Variants in ITPR1 observed in about 807,000 individuals in gnomAD.
The protein encoded by ITPR1 is inositol 1,4,5-trisphosphate-gated calcium channel ITPR1.
A neutral mutation model predicts 318.4 loss-of-function variants in ITPR1; 96 were observed. That is an observed-to-expected ratio of 0.30 (90% CI 0.26 to 0.36). The LOEUF (loss-of-function observed/expected upper bound fraction) is 0.36, where lower values mean the gene tolerates loss of function less well. ITPR1 is among the 10% of genes least tolerant of loss of function. ITPR1 has a pLI of 1.00. For missense variants in ITPR1, 2,440 were observed against 3,460.2 expected (o/e 0.71, Z 7.40); for synonymous variants, 1,312 against 1,289.9 (o/e 1.02, Z -0.37).
chr3:4,767,991 C>T (rs1575177724), intron 45 of ITPR1, among the ~76,000 whole-genome samples: 1 of 152,230 alleles, frequency 6.6e-6, no homozygotes, highest in East Asian at 1.9e-4. Context: ...GCGTGTCTGG[C>T]CGCAGAGTCA....
chr3:4,556,904 A>C (rs1311389058), intron 4 of ITPR1, among the ~76,000 whole-genome samples: 2 of 152,180 alleles, frequency 1.3e-5, no homozygotes, highest in African/African-American at 4.8e-5. Context: ...GAGTGCTGAT[A>C]ATATTATCAG....
At chr3:4,660,690 C>G (rs2093813363) in intron 13 of ITPR1, among the ~76,000 whole-genome samples, 1 of 152,002 alleles carries the variant, frequency 6.6e-6, no homozygotes, top group African/African-American at 2.4e-5. Context: ...GTAAATACTT[C>G]CTGTTGCTCT....
In ITPR1 at chr3:4,779,376, T is replaced by A. The variant is rs2046675925; in HGVS notation, c.6292-174T>A. On this transcript the variant is annotated intron_variant, in intron 48 of 61. Transcript: ENST00000649015. This position sits in a 1 kb window ranked among gnomAD's most constrained non-coding sequence, Gnocchi z 4.0. ...CACGTATCTGGGGTCTGAAGGGGGA[T>A]GCTCTCTGCCTGGTGCAGATGGATT... 6.6e-6 allele frequency among the ~76,000 whole-genome samples: 1 copy of A among 152,280 alleles called. No homozygotes were observed. The highest frequency in any genetic ancestry group is 2.4e-5 in the African/African-American group (1 of 41,482).
At chr3:4,761,538 T>G (rs2045450559) in intron 44 of ITPR1, among the ~76,000 whole-genome samples, 1 of 152,226 alleles carries the variant, frequency 6.6e-6, no homozygotes, top group South Asian at 2.1e-4. Flanking sequence ...ACCACCATTT[T>G]GATTTCTCTC....
At chr3:4,595,577 G>C (rs538542292) in intron 4 of ITPR1, among the ~76,000 whole-genome samples, 12 of 152,164 alleles carry the variant, frequency 7.9e-5, no homozygotes, top group Non-Finnish European at 1.6e-4. Flanking sequence ...ATAAGACCTG[G>C]TATATATTAT....
chr3:4,518,798 G>A lies in ITPR1; in HGVS notation c.92+2215G>A, dbSNP rs756602764. On this transcript the variant is annotated intron_variant, in intron 3 of 61. Coordinates refer to ENST00000649015, the MANE Select transcript of ITPR1 (RefSeq NM_001378452.1). Reference sequence around the variant, plus strand: ...TAAAAATAAAGGTTCAGCTTGGTGCGGTAGCTAACGCCTGTAATCCCAGCT... The same window carrying A: ...TAAAAATAAAGGTTCAGCTTGGTGCAGTAGCTAACGCCTGTAATCCCAGCT... Among the ~76,000 whole-genome samples the A allele has an allele frequency of 2.3e-4, 35 of 152,270 alleles. 1 individual carries two copies. The highest frequency in any genetic ancestry group is 3.4e-3 in the Middle Eastern group (1 of 294).
chr3:4,701,338 C>G (rs2094648286), intron 35 of ITPR1, among the ~76,000 whole-genome samples: 1 of 152,172 alleles, frequency 6.6e-6, no homozygotes, highest in South Asian at 2.1e-4. Context: ...GTATAAAGTG[C>G]TTAGCACAGA....
chr3:4,763,023 A>G (rs1291330856), intron 44 of ITPR1, among the ~76,000 whole-genome samples: 2 of 152,242 alleles, frequency 1.3e-5, no homozygotes, highest in African/African-American at 2.4e-5. Context: ...ATGCAGCCAT[A>G]AAAAGGAATG....
intron 4 of ITPR1, 95 bp from the exon 5 acceptor site, chr3:4,627,668 A>G (rs1007884339): frequency 5.4e-6 from 4 of 744,572 alleles, no homozygotes; most frequent in African/African-American, 1.8e-5. Context: ...ATGTAATTTT[A>G]TGTAATTTTT....
At chr3:4,694,377 A>T (rs370027955) in intron 33 of ITPR1, among the ~76,000 whole-genome samples, 1 of 150,982 alleles carries the variant, frequency 6.6e-6, no homozygotes, top group Non-Finnish European at 1.5e-5. Flanking sequence ...AGGTTTTACA[A>T]TGTGTAATAT....
At chr3:4,628,823 G>A (rs556739537) in intron 5 of ITPR1, among the ~76,000 whole-genome samples, 2 of 152,268 alleles carry the variant, frequency 1.3e-5, no homozygotes, top group Non-Finnish European at 2.9e-5. Flanking sequence ...ATCTTTCCTG[G>A]GGCTCAGTGA....
At chr3:4,794,669 G>A (rs897978340) in intron 52 of ITPR1, among the ~76,000 whole-genome samples, 1 of 151,998 alleles carries the variant, frequency 6.6e-6, no homozygotes, top group African/African-American at 2.4e-5. Context: ...AAAGCTAATT[G>A]AATTTTTGGG....
At chr3:4,711,164 T>C (rs988276627) in intron 38 of ITPR1, among the ~76,000 whole-genome samples, 1 of 136,578 alleles carries the variant, frequency 7.3e-6, no homozygotes, top group African/African-American at 2.8e-5. Context: ...TGAGCCAAGA[T>C]CGCGCTACTG....
intron 16 of ITPR1, among the ~76,000 whole-genome samples, 176 bp downstream of exon 16, chr3:4,663,382 C>CAG (rs573758312): frequency 6.6e-6 from 1 of 152,046 alleles, no homozygotes; most frequent in Non-Finnish European, 1.5e-5. Context: ...GCCTGGGTGA[C>CAG]AGAGAGAGAG....
intron 24 of ITPR1, among the ~76,000 whole-genome samples, chr3:4,680,135 C>A: frequency 6.6e-6 from 1 of 152,164 alleles, no homozygotes; most frequent in South Asian, 2.1e-4. Flanking sequence ...GCTAATTTTC[C>A]ATAGTAAAAA....
chr3:4,753,024 T>C (rs2044664062), intron 44 of ITPR1, among the ~76,000 whole-genome samples: 1 of 152,194 alleles, frequency 6.6e-6, no homozygotes, highest in Admixed American at 6.5e-5. Flanking sequence ...CAGGGAGGGC[T>C]TCTCTGGGGA....
intron 44 of ITPR1, among the ~76,000 whole-genome samples, chr3:4,752,005 C>G (rs763089159): frequency 1.2e-4 from 18 of 152,242 alleles, no homozygotes; most frequent in Non-Finnish European, 2.2e-4. Flanking sequence ...GTCAGAGGCT[C>G]TCTCAAAGTT....
intron 36 of ITPR1, among the ~76,000 whole-genome samples, chr3:4,705,325 G>A (rs1321555059): frequency 6.6e-6 from 1 of 152,166 alleles, no homozygotes; most frequent in Non-Finnish European, 1.5e-5. Flanking sequence ...ATTGTCACCC[G>A]TTGTCAGCAT....
chr3:4,763,855 T>C (rs538239774), intron 44 of ITPR1, among the ~76,000 whole-genome samples: 1 of 152,374 alleles, frequency 6.6e-6, no homozygotes, highest in African/African-American at 2.4e-5. Flanking sequence ...GCAGGCTATC[T>C]GTGTGTGTCG....
Sources: gnomAD v4.1 joint callset for allele counts (sites outside exome capture counted in the v4.1 genomes callset) on GRCh38, gnomAD v4.1.1 for gene constraint, Gnocchi (gnomAD v3.1) non-coding constraint, MANE v1.5 for transcripts, NCBI Gene and HGNC (gene_info 2026-07-23, HGNC 2026-07-21) for gene names.